The following ENKUR variants were observed in gnomAD, a reference collection of about 807,000 sequenced individuals.
ENKUR encodes enkurin, TRPC channel interacting protein.
ENKUR carries 19 observed loss-of-function variants against 27.6 expected under a neutral mutation model. The observed-to-expected ratio is 0.69, with a 90% CI of 0.48 to 1.01. The LOEUF (loss-of-function observed/expected upper bound fraction) is 1.01, where lower values mean the gene tolerates loss of function less well. ENKUR is among the 50% of genes least tolerant of loss of function. The probability of loss-of-function intolerance (pLI) is 0.00; values close to 1 mark genes in which losing one functional copy is unlikely to be tolerated. For missense variants in ENKUR, 312 were observed against 310.5 expected (o/e 1.00, Z -0.04); for synonymous variants, 117 against 96.9 (o/e 1.21, Z -1.22).
At chr10:24,995,956 T>G in intron 2 of ENKUR, 87 bp from the exon 3 acceptor site, 1 of 1,095,354 alleles carries the variant, frequency 9.1e-7, no homozygotes, top group Non-Finnish European at 1.3e-6. Flanking sequence ...TTTCACCACT[T>G]GTATATTGAA....
chr10:25,030,762 C>A (rs1588679034), intron 2 of ENKUR, among the ~76,000 whole-genome samples: 1 of 152,174 alleles, frequency 6.6e-6, no homozygotes, highest in Non-Finnish European at 1.5e-5. Context: ...CTTTCTCAAA[C>A]TCCTATTTTA....
intron 2 of ENKUR, among the ~76,000 whole-genome samples, chr10:25,056,829 A>C (rs1433173296): frequency 6.6e-6 from 1 of 152,190 alleles, no homozygotes; most frequent in African/African-American, 2.4e-5. Flanking sequence ...AAGTGCTGAA[A>C]ACTCAAAACT....
chr10:25,033,945 A>T (rs983613555), intron 2 of ENKUR, among the ~76,000 whole-genome samples: 1 of 152,164 alleles, frequency 6.6e-6, no homozygotes. Flanking sequence ...GTATTAAAAT[A>T]AATGAGCAAG....
intron 3 of ENKUR, among the ~76,000 whole-genome samples, chr10:24,994,273 C>T (rs1849992608): frequency 6.8e-6 from 1 of 147,960 alleles, no homozygotes; most frequent in Non-Finnish European, 1.5e-5. Flanking sequence ...CCTTCCTTTC[C>T]TTTCTCCCTC....
chr10:25,019,710 T>A (rs557139142), upstream of ENKUR, among the ~76,000 whole-genome samples: 1 of 152,354 alleles, frequency 6.6e-6, no homozygotes, highest in South Asian at 2.1e-4. Context: ...TATTAACTGC[T>A]AATTATCCAA....
intron 2 of ENKUR, among the ~76,000 whole-genome samples, chr10:25,031,999 T>C (rs1184025325): frequency 6.6e-6 from 1 of 152,072 alleles, no homozygotes; most frequent in Non-Finnish European, 1.5e-5. Flanking sequence ...AGTTAGAAAA[T>C]TCATTTGAAA....
intron 2 of ENKUR, among the ~76,000 whole-genome samples, chr10:25,033,185 G>C (rs2130458159): frequency 6.6e-6 from 1 of 152,096 alleles, no homozygotes; most frequent in South Asian, 2.1e-4. Context: ...TTTGGGAGGA[G>C]AGCTTGAGGC....
chr10:25,030,449 AC>A (rs1271708344), intron 2 of ENKUR, among the ~76,000 whole-genome samples: 1 of 152,272 alleles, frequency 6.6e-6, no homozygotes, highest in East Asian at 1.9e-4. Context: ...GTATTGCTCC[AC>A]CACCAACTTC....
intron 2 of ENKUR, among the ~76,000 whole-genome samples, chr10:25,022,408 G>A (rs1850739960): frequency 6.6e-6 from 1 of 152,124 alleles, no homozygotes; most frequent in Admixed American, 6.5e-5. Flanking sequence ...TGCAGATAAG[G>A]TTATATGTAG....
At chr10:25,054,215 G>A (rs1198016684) in intron 2 of ENKUR, among the ~76,000 whole-genome samples, 2 of 152,304 alleles carry the variant, frequency 1.3e-5, no homozygotes, top group South Asian at 2.1e-4. Context: ...GAGGTCAGGA[G>A]TTTGAGACCA....
In ENKUR at chr10:25,015,871, G is replaced by C. The variant is rs764723519; in HGVS notation, c.66C>G (p.Pro22=). The C allele has an allele frequency of 6.2e-7, 1 of 1,605,178 alleles. No homozygotes were observed. Among genetic ancestry groups the C allele is most frequent in the South Asian group, 1.1e-5 (1 of 88,816 alleles). ...NLIPSDLKEP[P]QPPRYISIFK... Reference sequence around the variant, plus strand: ...GCTTATCCACATACCTAGGAGGCTGGGGAGGCTCCTTCAAGTCACTGGGTA... The same window carrying C: ...GCTTATCCACATACCTAGGAGGCTGCGGAGGCTCCTTCAAGTCACTGGGTA... The change falls in exon 1 of 6, where the codon CCC becomes CCG. Residue 22 remains proline, a synonymous_variant. Coordinates refer to ENST00000331161, the MANE Select transcript of ENKUR (RefSeq NM_145010.4).
At chr10:25,000,871 G>T (rs142688467) in intron 1 of ENKUR, among the ~76,000 whole-genome samples, 4 of 151,688 alleles carry the variant, frequency 2.6e-5, no homozygotes, top group Admixed American at 2.6e-4. Context: ...TGTTTTGTTT[G>T]GTTTGGTTTT....
intron 1 of ENKUR, among the ~76,000 whole-genome samples, chr10:25,010,324 C>A (rs73608219): frequency 0.036 from 5,523 of 152,092 alleles, 244 homozygotes; most frequent in African/African-American, 0.1. Context: ...GAGATGATTC[C>A]GGGCATCTGA....
chr10:25,020,310 G>A (rs1214443483), upstream of ENKUR, among the ~76,000 whole-genome samples: 1 of 143,714 alleles, frequency 7.0e-6, no homozygotes, highest in African/African-American at 2.6e-5. Context: ...AAAAAGGGAA[G>A]TGAAGTAAAA....
intron 1 of ENKUR, among the ~76,000 whole-genome samples, chr10:25,006,538 C>T (rs187280573): frequency 6.6e-6 from 1 of 152,276 alleles, no homozygotes; most frequent in East Asian, 1.9e-4. Flanking sequence ...AGACTTTAAG[C>T]AAACGTGCAT....
At chr10:25,056,985 A>ACTGGT in intron 2 of ENKUR, among the ~76,000 whole-genome samples, 1 of 152,330 alleles carries the variant, frequency 6.6e-6, no homozygotes, top group Admixed American at 6.5e-5. Flanking sequence ...CTAGAGCAGG[A>ACTGGT]CTGGTCTCAT....
intron 2 of ENKUR, among the ~76,000 whole-genome samples, chr10:25,032,375 C>T (rs1339336430): frequency 6.6e-6 from 1 of 151,986 alleles, no homozygotes; most frequent in East Asian, 1.9e-4. Flanking sequence ...GAACCTCTCA[C>T]TGTTTTGTGG....
At position 25,015,841 on chromosome 10, in the gene ENKUR, T is replaced by C. The variant is rs990142688; in HGVS notation, c.77+19A>G. ...TCCCCATTCTTGTTTCAAGTGATAG[T>C]CTTTGCTTATCCACATACCTAGGAG... On this transcript the variant is annotated intron_variant, in intron 1 of 5. Transcript: ENST00000331161. 6 of 1,588,072 alleles carry C rather than the reference T, an allele frequency of 3.8e-6. No homozygotes were observed. The highest frequency in any genetic ancestry group is 1.4e-5 in the African/African-American group (1 of 74,018).
At chr10:25,027,143 T>C (rs1174337903) in intron 2 of ENKUR, among the ~76,000 whole-genome samples, 1 of 148,874 alleles carries the variant, frequency 6.7e-6, no homozygotes, top group Admixed American at 6.7e-5. Flanking sequence ...TCACCTGAAG[T>C]CAGGAGTTCG....
Sources: gnomAD v4.1 joint callset for allele counts (sites outside exome capture counted in the v4.1 genomes callset) on GRCh38, gnomAD v4.1.1 for gene constraint, MANE v1.5 for transcripts, NCBI Gene and HGNC (gene_info 2026-07-23, HGNC 2026-07-21) for gene names.